Variants in TSNARE1 observed in about 807,000 individuals in gnomAD.
The protein encoded by TSNARE1 is t-SNARE domain containing 1.
A neutral mutation model predicts 62.0 loss-of-function variants in TSNARE1; 49 were observed. The observed-to-expected ratio is 0.79, with a 90% CI of 0.63 to 1.00. TSNARE1 has a LOEUF of 1.00. Among genes scored for constraint, TSNARE1 ranks in the 50% least tolerant of loss-of-function variants. The pLI is 0.00. For missense variants in TSNARE1, 755 were observed against 700.1 expected (o/e 1.08, Z -0.88); for synonymous variants, 328 against 294.4 (o/e 1.11, Z -1.17).
chr8:142,403,028 T>G (rs1376460556), intron 1 of TSNARE1, 76 bp downstream of exon 1: 2 of 144,770 alleles, frequency 1.4e-5, no homozygotes, highest in East Asian at 4.1e-4. Flanking sequence ...GGCCCCGCGC[T>G]GGTCCCCGGC....
chr8:142,387,715 T>A (rs189095344), intron 1 of TSNARE1, among the ~76,000 whole-genome samples: 49 of 152,228 alleles, frequency 3.2e-4, no homozygotes, highest in Admixed American at 2.9e-3. Flanking sequence ...ACAGAGTAAT[T>A]TCCATAGGGA....
At chr8:142,278,661 C>T (rs1250693220) in intron 11 of TSNARE1, 15 of 985,306 alleles carry the variant, frequency 1.5e-5, no homozygotes, top group African/African-American at 1.7e-5. Context: ...GTGGCAGCTG[C>T]GGGCTGCAGA....
At chr8:142,331,514 T>C (rs1831030681) in intron 5 of TSNARE1, among the ~76,000 whole-genome samples, 1 of 151,734 alleles carries the variant, frequency 6.6e-6, no homozygotes, top group African/African-American at 2.4e-5. Context: ...TACCCGGCCC[T>C]GACCCAGCCC....
chr8:142,340,854 C>T (rs1347888975), intron 4 of TSNARE1, among the ~76,000 whole-genome samples: 4 of 152,266 alleles, frequency 2.6e-5, no homozygotes, highest in Admixed American at 6.5e-5. Flanking sequence ...CCACGGATGA[C>T]ACCACGTGCC....
intron 1 of TSNARE1, among the ~76,000 whole-genome samples, chr8:142,373,773 A>G (rs531859615): frequency 8.7e-4 from 133 of 152,212 alleles, no homozygotes; most frequent in African/African-American, 3.2e-3. Flanking sequence ...CCAAGAAGAC[A>G]GCCTTACCCA....
In TSNARE1 at chr8:142,319,881, G is replaced by A. The variant is rs1036628688; in HGVS notation, c.894-1247C>T. Among the ~76,000 whole-genome samples the A allele has an allele frequency of 5.9e-5, 9 of 152,192 alleles. No individual in the cohort carries two copies. Among genetic ancestry groups the A allele is most frequent in the African/African-American group, 1.9e-4 (8 of 41,452 alleles). ...GGTTACTACAGACTAGGCGGGAAGC[G>A]CGGGGACAGGAGCTTTCTTCCCCGG... is the stretch of plus-strand genomic sequence containing the variant. On this transcript the variant is annotated intron_variant, in intron 6 of 13. Transcript: ENST00000524325. This position sits in a 1 kb window ranked among gnomAD's most constrained non-coding sequence, Gnocchi z 4.9.
chr8:142,262,129 G>C (rs1462465913), intron 12 of TSNARE1, among the ~76,000 whole-genome samples: 6 of 152,210 alleles, frequency 3.9e-5, no homozygotes, highest in South Asian at 2.1e-4. Context: ...CTCCGTGGTG[G>C]GACAGCAGTC....
chr8:142,328,314 A>C (rs376344685), intron 6 of TSNARE1, among the ~76,000 whole-genome samples: 1 of 152,174 alleles, frequency 6.6e-6, no homozygotes, highest in Non-Finnish European at 1.5e-5. Context: ...AAACATGCTC[A>C]AGCATGTCCC....
intron 13 of TSNARE1, among the ~76,000 whole-genome samples, chr8:142,227,144 C>A (rs543066985): frequency 2.6e-4 from 39 of 147,892 alleles, no homozygotes; most frequent in South Asian, 2.1e-3. Context: ...GCACCCACAC[C>A]CCAGTGACAG....
At position 142,291,845 on chromosome 8, in the gene TSNARE1, G is replaced by A. The variant is rs1430340580; in HGVS notation, c.1291-7360C>T. ...CTCGGGCAATAGGAACCAGGAGCAG[G>A]GGTGGCCGGGCCTGCCCAGGGAACT... On this transcript the variant is annotated intron_variant, in intron 10 of 13. Transcript: ENST00000524325. This position sits in a 1 kb window ranked among gnomAD's most constrained non-coding sequence, Gnocchi z 4.8. Among the ~76,000 whole-genome samples the A allele has an allele frequency of 6.6e-6, 1 of 152,082 alleles. No individual in the cohort carries two copies. Among genetic ancestry groups the A allele is most frequent in the Non-Finnish European group, 1.5e-5 (1 of 68,016 alleles).
intron 1 of TSNARE1, among the ~76,000 whole-genome samples, chr8:142,369,716 T>C (rs938733848): frequency 6.6e-6 from 1 of 152,056 alleles, no homozygotes; most frequent in Non-Finnish European, 1.5e-5. Flanking sequence ...AGCTCTGCCA[T>C]ACACTCAACA....
At chr8:142,332,904 CCA>C (rs1184706718) in intron 4 of TSNARE1, among the ~76,000 whole-genome samples, 1 of 152,212 alleles carries the variant, frequency 6.6e-6, no homozygotes, top group African/African-American at 2.4e-5. Context: ...TGCTACCAGC[CCA>C]CACCCGGAGA....
At chr8:142,280,039 C>T (rs935716996) in intron 11 of TSNARE1, 10 of 1,229,834 alleles carry the variant, frequency 8.1e-6, no homozygotes, top group African/African-American at 4.9e-5. Flanking sequence ...CAGGTCGCGG[C>T]GGCAGTAGCC....
chr8:142,251,167 A>G lies in TSNARE1; in HGVS notation c.1447-21588T>C, dbSNP rs563362371. On this transcript the variant is annotated intron_variant, in intron 12 of 13. Transcript: ENST00000524325. ...GTTCCAGCCCAGTGCATTTGGGATC[A>G]GAGCCAGACTCTCCCTACAGGCCCC... Among the ~76,000 whole-genome samples, 16 of 152,278 alleles carry G rather than the reference A, an allele frequency of 1.1e-4. No individual in the cohort carries two copies. The East Asian group carries it at 2.9e-3, about 28-fold the overall frequency.
Position 142,318,604 on chromosome 8 carries a change from G to A in TSNARE1, c.924C>T (p.Thr308=). 1 of 1,613,814 alleles carries A rather than the reference G, an allele frequency of 6.2e-7. No homozygotes were observed. The highest frequency in any genetic ancestry group is 8.5e-7 in the Non-Finnish European group (1 of 1,180,014). Residue 308 remains threonine, a synonymous_variant, in exon 7 of 14, where the codon ACC becomes ACT. Coordinates refer to ENST00000524325, the MANE Select transcript of TSNARE1 (RefSeq NM_145003.5). The part of the protein sequence containing the change: ...LHTAQQETNK[T]IAASASSVKQ... ...TCACGGAGCTGGCGCTGGCTGCAAT[G>A]GTCTTGTTGGTCTCCTGCTGTGCCG...
chr8:142,348,864 T>G (rs1007517747), intron 2 of TSNARE1, among the ~76,000 whole-genome samples: 22 of 152,272 alleles, frequency 1.4e-4, no homozygotes, highest in African/African-American at 5.1e-4. Flanking sequence ...GGCTTTTTGC[T>G]GCCTCTGTCC....
intron 12 of TSNARE1, among the ~76,000 whole-genome samples, chr8:142,255,929 C>T (rs1225588067): frequency 2.7e-4 from 1 of 3,770 alleles, no homozygotes; most frequent in African/African-American, 6.5e-4. Context: ...ATCACCATCA[C>T]CATCACCATC....
At position 142,358,218 on chromosome 8, in the gene TSNARE1, A is replaced by AG. The variant is rs1353317350; in HGVS notation, c.-39-3456dup. Among the ~76,000 whole-genome samples the AG allele has an allele frequency of 1.6e-4, 14 of 85,298 alleles. 1 individual carries two copies. Among genetic ancestry groups the AG allele is most frequent in the Middle Eastern group, 0.013 (2 of 158 alleles). 56.0% of individuals were successfully genotyped at this position (85,298 alleles called of 152,430 possible). On this transcript the variant is annotated intron_variant, in intron 1 of 13. Coordinates refer to ENST00000524325, the MANE Select transcript of TSNARE1 (RefSeq NM_145003.5). ...GCGGGGTCTGCTGGGTTTCAGGACAAGGGGAGCAGCCAGCGGCCATCACTG... is the reference window on the plus strand; with the variant it reads ...GCGGGGTCTGCTGGGTTTCAGGACAAGGGGGAGCAGCCAGCGGCCATCACTG...
chr8:142,218,085 A>T (rs568896403), intron 13 of TSNARE1, among the ~76,000 whole-genome samples: 1 of 56,374 alleles, frequency 1.8e-5, no homozygotes, highest in African/African-American at 9.7e-5. Context: ...GGGTTCAGAG[A>T]GTGGCCAGGT....
Sources: gnomAD v4.1 joint callset for allele counts (sites outside exome capture counted in the v4.1 genomes callset) on GRCh38, gnomAD v4.1.1 for gene constraint, Gnocchi (gnomAD v3.1) non-coding constraint, MANE v1.5 for transcripts, NCBI Gene and HGNC (gene_info 2026-07-23, HGNC 2026-07-21) for gene names.